EFR3B: variants seen among roughly 807,000 people sequenced by gnomAD.
The protein encoded by EFR3B is protein EFR3 homolog B.
In EFR3B, 64 loss-of-function variants were observed where a neutral mutation model predicts 104.7. That is an observed-to-expected ratio of 0.61 (90% CI 0.50 to 0.75). The LOEUF (loss-of-function observed/expected upper bound fraction) is 0.75, where lower values mean the gene tolerates loss of function less well. Ranked by LOEUF, EFR3B falls within the 30% of genes least tolerant of loss-of-function variation. EFR3B has a pLI of 0.00. For synonymous variants in EFR3B, 385 were observed against 417.9 expected (o/e 0.92, Z 0.96); for missense variants, 750 against 1,078.5 (o/e 0.70, Z 4.27).
intron 11 of EFR3B, 31 bp from the exon 12 acceptor site, chr2:25,133,352 C>G: frequency 6.4e-7 from 1 of 1,551,314 alleles, no homozygotes. Context: ...CTATTACCAT[C>G]CTGGTGAGTG....
At chr2:25,065,701 C>T (rs1668316087) in intron 1 of EFR3B, among the ~76,000 whole-genome samples, 3 of 152,180 alleles carry the variant, frequency 2.0e-5, no homozygotes, top group African/African-American at 4.8e-5. Context: ...GCTTCTTCCT[C>T]TCTCAGCCAT....
intron 3 of EFR3B, among the ~76,000 whole-genome samples, chr2:25,100,896 CTG>C (rs1479899570): frequency 6.6e-6 from 1 of 152,222 alleles, no homozygotes; most frequent in African/African-American, 2.4e-5. Context: ...AGTCCAAACT[CTG>C]AGTCCATGAA....
At chr2:25,101,354 GTT>G in intron 3 of EFR3B, among the ~76,000 whole-genome samples, 1 of 152,224 alleles carries the variant, frequency 6.6e-6, no homozygotes, top group South Asian at 2.1e-4. Flanking sequence ...TAATTTATAT[GTT>G]TGTTTATTTT....
rs903382802 is a variant in EFR3B at position 25,136,171 on chromosome 2, A to G, written c.1485-352A>G. Among the ~76,000 whole-genome samples the G allele has an allele frequency of 1.3e-5, 2 of 152,120 alleles. No homozygotes were observed. The highest frequency in any genetic ancestry group is 1.3e-4 in the Admixed American group (2 of 15,270). On this transcript the variant is annotated intron_variant, in intron 13 of 22. Coordinates refer to ENST00000403714, the MANE Select transcript of EFR3B (RefSeq NM_014971.2). This position sits in a 1 kb window ranked among gnomAD's most constrained non-coding sequence, Gnocchi z 4.0. ...ATCTCTACAAGAAAATTTAAAAATT[A>G]GCCGAGTGTGGTGGCTCACACCTGT...
In EFR3B at chr2:25,131,734, GC is replaced by G; in HGVS notation, c.986-12del. 6.7e-7 allele frequency: 1 copy of G among 1,490,240 alleles called. No individual in the cohort carries two copies. Among genetic ancestry groups the G allele is most frequent in the South Asian group, 1.3e-5 (1 of 74,638 alleles). The allele number at this position is 1,490,240 out of a possible 1,614,324, so 92.3% of individuals were successfully genotyped here. A position where few individuals can be genotyped will look rare whatever the true frequency, so the allele number is the denominator to read the frequency against. ...GCCAGCCTTGGATCTCGGGTGTCCC[GC>G]CCCACCGCTCTCAGGGCCCACAGTA... On this transcript the variant is annotated splice_polypyrimidine_tract_variant and intron_variant, in intron 9 of 22. Coordinates refer to ENST00000403714, the MANE Select transcript of EFR3B (RefSeq NM_014971.2). This position sits in a 1 kb window ranked among gnomAD's most constrained non-coding sequence, Gnocchi z 7.6.
rs528822586 is a variant in EFR3B, at chr2:25,157,643, A to G, written c.*3303A>G. The G allele has an allele frequency of 2.0e-5, 3 of 152,410 alleles. No homozygotes were observed. Among genetic ancestry groups the G allele is most frequent in the East Asian group, 3.9e-4 (2 of 5,184 alleles). 9.4% of individuals were successfully genotyped at this position (152,410 alleles called of 1,614,324 possible). A position where few individuals can be genotyped will look rare whatever the true frequency, so the allele number is the denominator to read the frequency against. On this transcript the variant is annotated 3_prime_UTR_variant, in exon 23 of 23. Transcript: ENST00000403714. ...ACTCTGCTGACAGCACTGAGTAGGC[A>G]GGAATGTATTTGAGATTTGGAAGTA...
intron 1 of EFR3B, among the ~76,000 whole-genome samples, chr2:25,056,607 C>G (rs76056058): frequency 6.6e-6 from 1 of 151,776 alleles, no homozygotes; most frequent in Non-Finnish European, 1.5e-5. Context: ...AGGTCACATA[C>G]AGACAAAGCA....
chr2:25,058,277 C>T (rs965992093), intron 1 of EFR3B: 1 of 152,162 alleles, frequency 6.6e-6, no homozygotes, highest in Non-Finnish European at 1.5e-5. Context: ...GAGATTGAGC[C>T]TTTGAATAGC....
chr2:25,144,999 C>A lies in EFR3B; in HGVS notation c.2090C>A (p.Thr697Asn). Residue 697 changes from threonine to asparagine, a missense_variant, in exon 19 of 23, where the codon ACC (threonine) becomes AAC (asparagine). Coordinates refer to ENST00000403714, the MANE Select transcript of EFR3B (RefSeq NM_014971.2). ...TCCAAGAGGAGGAGCATTGGAGAGA[C>A]CATCTCCCTGCAGGTGGAGGTAGAA... ...RLSKRRSIGE[T>N]ISLQVEVESR... 6.4e-7 allele frequency: 1 copy of A among 1,551,754 alleles called. No individual in the cohort carries two copies. Among genetic ancestry groups the A allele is most frequent in the Non-Finnish European group, 8.7e-7 (1 of 1,147,000 alleles).
chr2:25,087,701 G>A (rs774959168), intron 1 of EFR3B, among the ~76,000 whole-genome samples: 11 of 152,144 alleles, frequency 7.2e-5, no homozygotes, highest in Non-Finnish European at 1.0e-4. Context: ...TCGAACTCCT[G>A]ACCTCGAGTG....
intron 1 of EFR3B, among the ~76,000 whole-genome samples, chr2:25,054,345 G>A (rs1158767339): frequency 6.7e-6 from 1 of 150,280 alleles, no homozygotes; most frequent in Non-Finnish European, 1.5e-5. Flanking sequence ...TTTTGGAGAT[G>A]GAGTCTCCCT....
In EFR3B at chr2:25,042,345, C is replaced by T. The variant is rs1028391083; in HGVS notation, c.7+26C>T. On this transcript the variant is annotated intron_variant, in intron 1 of 22. Transcript: ENST00000403714. The surrounding 1 kb of genome is among the most constrained non-coding windows in gnomAD (Gnocchi z 5.4). Reference sequence around the variant, plus strand: ...GTAAGGAGGGCTCCGCGCCCGGGCCCGGGCCCGCGGGGGCGACTCCGCAAA... The same window carrying T: ...GTAAGGAGGGCTCCGCGCCCGGGCCTGGGCCCGCGGGGGCGACTCCGCAAA... 292 of 1,257,870 alleles carry T rather than the reference C, an allele frequency of 2.3e-4. No homozygotes were observed. The highest frequency in any genetic ancestry group is 2.8e-4 in the Non-Finnish European group (281 of 1,000,210). 77.9% of individuals were successfully genotyped at this position (1,257,870 alleles called of 1,614,324 possible).
intron 4 of EFR3B, among the ~76,000 whole-genome samples, chr2:25,106,344 C>T (rs1669562462): frequency 1.3e-5 from 2 of 151,990 alleles, no homozygotes; most frequent in South Asian, 4.2e-4. Context: ...GGATGGAGTG[C>T]ACTGGCATGA....
chr2:25,159,070 A>G lies in EFR3B; in HGVS notation c.*4730A>G, dbSNP rs1368537392. On this transcript the variant is annotated 3_prime_UTR_variant, in exon 23 of 23. Transcript: ENST00000403714. Reference sequence around the variant, plus strand: ...CTTAGCAAAATCATTCTCTAGGACTATTAGTCGCGATCTCCCAGTGAGCCA... The same window carrying G: ...CTTAGCAAAATCATTCTCTAGGACTGTTAGTCGCGATCTCCCAGTGAGCCA... 6.6e-6 allele frequency: 1 copy of G among 152,218 alleles called. No individual in the cohort carries two copies. The highest frequency in any genetic ancestry group is 2.4e-5 in the African/African-American group (1 of 41,450). The allele number at this position is 152,218 out of a possible 1,614,324, so 9.4% of individuals were successfully genotyped here. A position where few individuals can be genotyped will look rare whatever the true frequency, so the allele number is the denominator to read the frequency against.
intron 1 of EFR3B, among the ~76,000 whole-genome samples, chr2:25,074,425 C>T (rs1239593337): frequency 1.3e-5 from 2 of 151,786 alleles, no homozygotes; most frequent in South Asian, 2.1e-4. Flanking sequence ...ATTAGCCAGG[C>T]GTGGTGGTGT....
rs182724810 is a variant in EFR3B, at chr2:25,114,320, C to T, written c.364-7353C>T. Among the ~76,000 whole-genome samples the T allele has an allele frequency of 2.0e-5, 3 of 152,244 alleles. 1 individual carries two copies. The highest frequency in any genetic ancestry group is 1.3e-4 in the Admixed American group (2 of 15,282). On this transcript the variant is annotated intron_variant, in intron 4 of 22. Transcript: ENST00000403714. The surrounding 1 kb of genome is among the most constrained non-coding windows in gnomAD (Gnocchi z 4.0). ...ACCAGGTGACCTAGCTGGGCTGCTG[C>T]GACTGCGCTTTCATACTTCCAGCCT...
At chr2:25,138,748 T>G (rs1670585305) in intron 15 of EFR3B, among the ~76,000 whole-genome samples, 1 of 152,146 alleles carries the variant, frequency 6.6e-6, no homozygotes, top group Non-Finnish European at 1.5e-5. Context: ...GCAGTGGGAT[T>G]AACGACCAGG....
chr2:25,060,540 A>C (rs1217143501), intron 1 of EFR3B, among the ~76,000 whole-genome samples: 1 of 152,146 alleles, frequency 6.6e-6, no homozygotes, highest in Admixed American at 6.5e-5. Context: ...TGGAGGGATG[A>C]TTATCAAAAT....
intron 4 of EFR3B, among the ~76,000 whole-genome samples, chr2:25,118,174 T>C (rs1669915384): frequency 6.6e-6 from 1 of 151,626 alleles, no homozygotes; most frequent in African/African-American, 2.4e-5. Flanking sequence ...AGAGACGGGG[T>C]TTCACCCTGT....
Sources: gnomAD v4.1 joint callset for allele counts (sites outside exome capture counted in the v4.1 genomes callset) on GRCh38, gnomAD v4.1.1 for gene constraint, Gnocchi (gnomAD v3.1) non-coding constraint, MANE v1.5 for transcripts, NCBI Gene and HGNC (gene_info 2026-07-23, HGNC 2026-07-21) for gene names.